The following DCAF8L2 variants were observed in gnomAD, a reference collection of about 807,000 sequenced individuals.
The protein encoded by DCAF8L2 is DDB1 and CUL4 associated factor 8 like 2.
For missense variants in DCAF8L2, 430 were observed against 490.7 expected, an observed-to-expected ratio of 0.88 and a Z score of 1.17; for synonymous variants, 200 against 190.9, an observed-to-expected ratio of 1.05 and a Z score of -0.39.
intron 3 of DCAF8L2, among the ~76,000 whole-genome samples, chrX:27,690,010 AATTATAT>A (rs1449193195): frequency 8.9e-6 from 1 of 111,954 alleles, no homozygotes; most frequent in East Asian, 2.8e-4. Context: ...TATTCCATAT[AATTATAT>A]ATGCATATAT....
At chrX:27,565,139 A>G in the DCAF8L2 span, among the ~76,000 whole-genome samples, 1 of 110,728 alleles carries the variant, frequency 9.0e-6, no homozygotes, top group South Asian at 3.9e-4. Flanking sequence ...CAGACCTTAG[A>G]GGGCAAGATT....
intron 1 of DCAF8L2, among the ~76,000 whole-genome samples, chrX:27,614,700 T>C (rs1177573351): frequency 8.9e-6 from 1 of 111,762 alleles, no homozygotes; most frequent in Non-Finnish European, 1.9e-5. Flanking sequence ...CTGCCTTCAT[T>C]TCGTTATGTA....
At chrX:27,728,468 T>G (rs1921005822) in intron 4 of DCAF8L2, among the ~76,000 whole-genome samples, 1 of 111,174 alleles carries the variant, frequency 9.0e-6, no homozygotes, top group South Asian at 3.8e-4. Context: ...TGGCAAGACA[T>G]CTCACCATCC....
At chrX:27,634,986 A>T (rs746645463) in intron 2 of DCAF8L2, among the ~76,000 whole-genome samples, 303 of 109,197 alleles carry the variant, frequency 2.8e-3, no homozygotes, top group African/African-American at 1.0e-2. Flanking sequence ...ACACACACAT[A>T]TATAGAGAGA....
chrX:27,693,826 A>G (rs895156361), intron 3 of DCAF8L2, among the ~76,000 whole-genome samples: 1 of 112,316 alleles, frequency 8.9e-6, no homozygotes, highest in Non-Finnish European at 1.9e-5. Context: ...AACTCAAAAC[A>G]TAACTACCAT....
chrX:27,684,383 A>C (rs1298940528), intron 3 of DCAF8L2, among the ~76,000 whole-genome samples: 2 of 112,014 alleles, frequency 1.8e-5, no homozygotes, highest in Non-Finnish European at 3.8e-5. Context: ...AAAAAGACTA[A>C]AGCAGAATTT....
chrX:27,688,068 G>A (rs1293455207), intron 3 of DCAF8L2, among the ~76,000 whole-genome samples: 1 of 111,350 alleles, frequency 9.0e-6, no homozygotes, highest in Non-Finnish European at 1.9e-5. Flanking sequence ...ATTAATTATT[G>A]TTTTTGAGTG....
At chrX:27,738,091 C>T (rs1451567304) in intron 4 of DCAF8L2, among the ~76,000 whole-genome samples, 2 of 111,426 alleles carry the variant, frequency 1.8e-5, no homozygotes, top group Admixed American at 1.9e-4. Flanking sequence ...AATCAGGCTG[C>T]CATACTACTG....
the DCAF8L2 span, among the ~76,000 whole-genome samples, chrX:27,561,534 TAAC>T: frequency 8.7e-4 from 97 of 111,611 alleles, 1 homozygote; most frequent in African/African-American, 3.1e-3. Flanking sequence ...CACCATGATC[TAAC>T]TTTATAGTAT....
At chrX:27,566,316 G>GT in the DCAF8L2 span, among the ~76,000 whole-genome samples, 1 of 111,413 alleles carries the variant, frequency 9.0e-6, no homozygotes, top group South Asian at 3.7e-4. Flanking sequence ...TTCTACCAAG[G>GT]ACCTTGCTCT....
At chrX:27,677,782 T>C (rs1353347435) in intron 2 of DCAF8L2, 54 bp from the exon 3 acceptor site, 1 of 111,813 alleles carries the variant, frequency 8.9e-6, no homozygotes, top group Non-Finnish European at 1.9e-5. Context: ...TGAAGAACAG[T>C]AGATTATCAT....
At chrX:27,712,750 GTTTA>G (rs1931571343) in intron 3 of DCAF8L2, 1 of 111,621 alleles carries the variant, frequency 9.0e-6, no homozygotes, top group South Asian at 3.7e-4. Context: ...AGGTATTTGG[GTTTA>G]TTTGTTTATT....
Sources: gnomAD v4.1 joint callset for allele counts (sites outside exome capture counted in the v4.1 genomes callset) on GRCh38, gnomAD v4.1.1 for gene constraint, MANE v1.5 for transcripts, NCBI Gene and HGNC (gene_info 2026-07-23, HGNC 2026-07-21) for gene names.